KLHL1: variants seen among roughly 807,000 people sequenced by gnomAD.
KLHL1 encodes kelch like family member 1.
A neutral mutation model predicts 77.7 loss-of-function variants in KLHL1; 47 were observed. The ratio of observed to expected loss-of-function variants is 0.60; its 90% CI spans 0.48 to 0.77. The LOEUF is 0.77. KLHL1 is among the 30% of genes least tolerant of loss of function. The probability of loss-of-function intolerance (pLI) is 0.00; values close to 1 mark genes in which losing one functional copy is unlikely to be tolerated. For synonymous variants in KLHL1, 360 were observed against 325.2 expected (o/e 1.11, Z -1.15); for missense variants, 925 against 910.8 (o/e 1.02, Z -0.20).
intron 8 of KLHL1, among the ~76,000 whole-genome samples, chr13:69,732,650 T>A (rs1037834512): frequency 7.0e-6 from 1 of 143,060 alleles, no homozygotes; most frequent in African/African-American, 2.6e-5. Context: ...TTTGTTTGTT[T>A]GTTTGCTTTT....
At chr13:70,012,547 C>T (rs1379199550) in intron 1 of KLHL1, among the ~76,000 whole-genome samples, 2 of 151,950 alleles carry the variant, frequency 1.3e-5, no homozygotes, top group East Asian at 3.9e-4. Context: ...CTTGAAGATG[C>T]TATTTGAATG....
At chr13:69,942,418 T>A (rs1883391545) in intron 3 of KLHL1, among the ~76,000 whole-genome samples, 1 of 152,026 alleles carries the variant, frequency 6.6e-6, no homozygotes. Flanking sequence ...GTATATTTTT[T>A]AACTTTGTGA....
chr13:69,961,355 C>A lies in KLHL1; in HGVS notation c.770G>T (p.Gly257Val). 2 of 1,613,050 alleles carry A rather than the reference C, an allele frequency of 1.2e-6. No homozygotes were observed. Among genetic ancestry groups the A allele is most frequent in the Non-Finnish European group, 1.7e-6 (2 of 1,179,340 alleles). ...EAKQEEIKME[G>V]IDPNALWDLV... ...GTCCCAGAGAGCATTGGGGTCTATG[C>A]CTTCCATTTTGATCTCCTCTTGCTT... Residue 257 changes from glycine to valine, a missense_variant, in exon 3 of 11, where the codon GGC (glycine) becomes GTC (valine). Coordinates refer to ENST00000377844, the MANE Select transcript of KLHL1 (RefSeq NM_020866.3).
chr13:70,053,107 G>A (rs1886666440), intron 1 of KLHL1, among the ~76,000 whole-genome samples: 2 of 151,984 alleles, frequency 1.3e-5, no homozygotes, highest in Non-Finnish European at 2.9e-5. Context: ...AAATGAAAAA[G>A]CGATGTGTAA....
At chr13:69,855,397 T>TAGACAGAGATAC (rs536826812) in intron 5 of KLHL1, among the ~76,000 whole-genome samples, 4,927 of 150,756 alleles carry the variant, frequency 0.033, 352 homozygotes, top group African/African-American at 0.11. Flanking sequence ...GAGATAGAGA[T>TAGACAGAGATAC]AGATAGAGAT....
intron 1 of KLHL1, among the ~76,000 whole-genome samples, chr13:70,002,450 C>G (rs1885316407): frequency 6.6e-6 from 1 of 151,272 alleles, no homozygotes; most frequent in Non-Finnish European, 1.5e-5. Flanking sequence ...AACGGAGCCT[C>G]AAAAGCATAT....
At chr13:69,755,573 G>T (rs568654141) in intron 7 of KLHL1, among the ~76,000 whole-genome samples, 1 of 151,930 alleles carries the variant, frequency 6.6e-6, no homozygotes, top group East Asian at 1.9e-4. Context: ...AAATATGATA[G>T]ATCTGAATTA....
At chr13:70,083,473 T>C (rs1887442304) in intron 1 of KLHL1, among the ~76,000 whole-genome samples, 1 of 152,210 alleles carries the variant, frequency 6.6e-6, no homozygotes, top group African/African-American at 2.4e-5. Flanking sequence ...GCCTTGTTTA[T>C]TTCTGAAGGA....
At chr13:69,903,627 A>ATTTT (rs1205848050) in intron 4 of KLHL1, among the ~76,000 whole-genome samples, 2 of 40,232 alleles carry the variant, frequency 5.0e-5, no homozygotes, top group African/African-American at 1.8e-4. Flanking sequence ...CCTTGTTCAC[A>ATTTT]TTCTTTTTTT....
intron 5 of KLHL1, among the ~76,000 whole-genome samples, chr13:69,867,036 A>G (rs1880392694): frequency 6.6e-6 from 1 of 152,140 alleles, no homozygotes; most frequent in South Asian, 2.1e-4. Context: ...TGCCAAAAGA[A>G]CAGCAAGAGA....
At chr13:70,015,287 C>T (rs986470635) in intron 1 of KLHL1, among the ~76,000 whole-genome samples, 1 of 152,032 alleles carries the variant, frequency 6.6e-6, no homozygotes, top group Admixed American at 6.6e-5. Flanking sequence ...CAAACCTGTA[C>T]AGTATGTTAC....
rs1315434212 is a variant in KLHL1, at chr13:69,814,960, G to A, written c.1415-17998C>T. Among the ~76,000 whole-genome samples, 6 of 152,142 alleles carry A rather than the reference G, an allele frequency of 3.9e-5. No individual in the cohort carries two copies. In the South Asian group the frequency reaches 6.2e-4, roughly 16 times the overall value. ...CAGGAGGCGGAGGTTGCAGTGAGCC[G>A]AGATCGCACCACTGCACTCCAGCCT... On this transcript the variant is annotated intron_variant, in intron 6 of 10. Coordinates refer to ENST00000377844, the MANE Select transcript of KLHL1 (RefSeq NM_020866.3).
intron 1 of KLHL1, among the ~76,000 whole-genome samples, chr13:70,105,225 T>A (rs1389071813): frequency 6.6e-6 from 1 of 152,016 alleles, no homozygotes; most frequent in East Asian, 1.9e-4. Context: ...TGAATAAAAA[T>A]AATAAACTAT....
intron 7 of KLHL1, among the ~76,000 whole-genome samples, chr13:69,743,043 A>T (rs1389337805): frequency 6.6e-6 from 1 of 152,194 alleles, no homozygotes; most frequent in Non-Finnish European, 1.5e-5. Context: ...CTTTTTACTG[A>T]GCACCAATTA....
intron 1 of KLHL1, among the ~76,000 whole-genome samples, chr13:70,017,428 A>G (rs967004743): frequency 2.0e-5 from 3 of 152,274 alleles, no homozygotes; most frequent in South Asian, 4.1e-4. Flanking sequence ...CTGCAACCTC[A>G]AAAAGAGCCA....
chr13:69,862,276 T>TAC (rs34793863), intron 5 of KLHL1, among the ~76,000 whole-genome samples: 33,915 of 151,128 alleles, frequency 0.22, 3,986 homozygotes, highest in Non-Finnish European at 0.25. Flanking sequence ...ATACTGTTTT[T>TAC]ACACACACAC....
chr13:69,822,276 C>T (rs866728249), intron 6 of KLHL1, among the ~76,000 whole-genome samples: 9 of 151,400 alleles, frequency 5.9e-5, no homozygotes, highest in Non-Finnish European at 1.3e-4. Flanking sequence ...TTAGATAATC[C>T]CAAAAGAATG....
chr13:69,881,082 T>C (rs1880971537), intron 5 of KLHL1, among the ~76,000 whole-genome samples: 1 of 152,176 alleles, frequency 6.6e-6, no homozygotes, highest in Non-Finnish European at 1.5e-5. Context: ...GGTATGTAAA[T>C]GCATGTTTCC....
At position 69,752,072 on chromosome 13, in the gene KLHL1, A is replaced by C. The variant is rs750936242; in HGVS notation, c.1640-11516T>G. Among the ~76,000 whole-genome samples, 18 of 152,264 alleles carry C rather than the reference A, an allele frequency of 1.2e-4. No homozygotes were observed. In the South Asian group the frequency reaches 1.4e-3, roughly 12 times the overall value. On this transcript the variant is annotated intron_variant, in intron 7 of 10. Transcript: ENST00000377844. The stretch of plus-strand genomic sequence containing the variant: ...ATGGAGTAGCTATAATATCTAACCC[A>C]TAGTGTTGTTACAAGGATTTAATGA...
Sources: allele counts gnomAD v4.1 joint callset (sites outside exome capture counted in the v4.1 genomes callset), GRCh38; gene constraint gnomAD v4.1.1; transcripts MANE v1.5; gene names NCBI Gene and HGNC (gene_info 2026-07-23, HGNC 2026-07-21).